CUX1: variants seen among roughly 807,000 people sequenced by gnomAD.
CUX1 encodes protein CASP.
In CUX1, 31 loss-of-function variants were observed where a neutral mutation model predicts 158.8. The observed-to-expected ratio is 0.20, with a 90% CI of 0.15 to 0.26. The LOEUF (loss-of-function observed/expected upper bound fraction) is 0.26, where lower values mean the gene tolerates loss of function less well. CUX1 is among the 10% of genes least tolerant of loss of function. The pLI, the probability that CUX1 is intolerant of heterozygous loss-of-function variation, is 1.00. For missense variants in CUX1, 1,589 were observed against 2,014.6 expected, an observed-to-expected ratio of 0.79 and a Z score of 4.04; for synonymous variants, 879 against 862.1, an observed-to-expected ratio of 1.02 and a Z score of -0.34.
At chr7:102,053,332 A>G (rs1351458617) in intron 3 of CUX1, among the ~76,000 whole-genome samples, 4 of 152,126 alleles carry the variant, frequency 2.6e-5, no homozygotes, top group Non-Finnish European at 5.9e-5. Context: ...GTATATATAT[A>G]TTTATGGGGT....
rs181800963 is a variant in CUX1 at position 102,150,110 on chromosome 7, A to G, written c.675-8450A>G. On this transcript the variant is annotated intron_variant, in intron 8 of 23. Transcript: ENST00000292535. ...CCTTTCAATGCCAAAGAACTTTATGATCTGGTATTGAGACTATTGGTGGGT... is the reference window on the plus strand; with the variant it reads ...CCTTTCAATGCCAAAGAACTTTATGGTCTGGTATTGAGACTATTGGTGGGT... Among the ~76,000 whole-genome samples the G allele has an allele frequency of 4.5e-3, 692 of 152,230 alleles. 2 individuals carry two copies. The highest frequency in any genetic ancestry group is 0.016 in the African/African-American group (672 of 41,532).
intron 1 of CUX1, among the ~76,000 whole-genome samples, chr7:101,861,928 G>A (rs184061075): frequency 9.9e-4 from 150 of 152,046 alleles, no homozygotes; most frequent in Non-Finnish European, 1.4e-3. Context: ...TCCACCTCCC[G>A]GGTTCAAGCG....
At chr7:101,843,141 C>T (rs915040477) in intron 1 of CUX1, among the ~76,000 whole-genome samples, 1 of 152,170 alleles carries the variant, frequency 6.6e-6, no homozygotes, top group African/African-American at 2.4e-5. Context: ...GCTGGGATTA[C>T]AGGCGTGAGC....
chr7:102,277,921 A>G lies in CUX1; in HGVS notation c.1564-28A>G, dbSNP rs782136609. On this transcript the variant is annotated intron_variant, in intron 17 of 22. Transcript: ENST00000292538. ...GTGCCAGCACGGAGGCCTCTCCCCCACCCCTTTCCTTGCCCCTCCCCCCCC... is the reference window on the plus strand; with the variant it reads ...GTGCCAGCACGGAGGCCTCTCCCCCGCCCCTTTCCTTGCCCCTCCCCCCCC... 9.2e-5 allele frequency: 50 copies of G among 542,034 alleles called. No individual in the cohort carries two copies. In the East Asian group the frequency reaches 2.5e-3, roughly 28 times the overall value. 33.6% of individuals were successfully genotyped at this position (542,034 alleles called of 1,614,324 possible).
chr7:102,060,412 G>A (rs185769555), intron 3 of CUX1, among the ~76,000 whole-genome samples: 79 of 151,988 alleles, frequency 5.2e-4, no homozygotes, highest in Admixed American at 2.4e-3. Flanking sequence ...ATTTATTAGC[G>A]AAGGTTAGTG....
chr7:101,996,856 C>T (rs897140753), intron 2 of CUX1, among the ~76,000 whole-genome samples: 3 of 152,194 alleles, frequency 2.0e-5, no homozygotes, highest in Middle Eastern at 3.4e-3. Context: ...TACCCTTCCA[C>T]CCTGCGTCTG....
At chr7:102,077,874 T>C (rs1395505179) in intron 4 of CUX1, among the ~76,000 whole-genome samples, 6 of 143,598 alleles carry the variant, frequency 4.2e-5, no homozygotes, top group African/African-American at 8.3e-5. Flanking sequence ...TTGATACTTT[T>C]CATTTTTTTT....
chr7:102,003,563 T>C (rs149505679), intron 2 of CUX1, among the ~76,000 whole-genome samples: 1 of 152,238 alleles, frequency 6.6e-6, no homozygotes, highest in African/African-American at 2.4e-5. Context: ...TCCTGTACCA[T>C]GTATAGAACT....
chr7:102,272,743 C>T (rs782218587), intron 14 of CUX1, among the ~76,000 whole-genome samples: 4 of 152,190 alleles, frequency 2.6e-5, no homozygotes, highest in African/African-American at 9.7e-5. Flanking sequence ...GACCCTGGCA[C>T]CTGGAGGAGG....
At position 102,254,354 on chromosome 7, in the gene CUX1, G is replaced by T; in HGVS notation, c.*5312G>T. The T allele has an allele frequency of 1.0e-6, 1 of 985,438 alleles. No homozygotes were observed. The highest frequency in any genetic ancestry group is 1.2e-6 in the Non-Finnish European group (1 of 829,982). The allele number at this position is 985,438 out of a possible 1,614,324, so 61.0% of individuals were successfully genotyped here. A position where few individuals can be genotyped will look rare whatever the true frequency, so the allele number is the denominator to read the frequency against. On this transcript the variant is annotated 3_prime_UTR_variant, in exon 24 of 24. Coordinates refer to ENST00000292535, the MANE Select transcript of CUX1 (RefSeq NM_181552.4). ...AGCTCTTGGGTGTCTCTTGTCTCTG[G>T]CATGGTTTTAGCGTCACTGCGAACA...
intron 12 of CUX1, among the ~76,000 whole-genome samples, chr7:102,191,159 T>A (rs1794228911): frequency 6.6e-6 from 1 of 152,174 alleles, no homozygotes; most frequent in Non-Finnish European, 1.5e-5. Context: ...CTGCAAAGCC[T>A]CTGCCGGCAC....
At chr7:101,873,828 G>C (rs13241079) in intron 1 of CUX1, among the ~76,000 whole-genome samples, 1 of 151,814 alleles carries the variant, frequency 6.6e-6, no homozygotes. Flanking sequence ...CAGGTGATCC[G>C]CCTGCCTCAG....
rs1801243485 is a variant in CUX1 at position 102,249,444 on chromosome 7, A to AC, written c.*402_*403insC. On this transcript the variant is annotated 3_prime_UTR_variant, in exon 24 of 24. Transcript: ENST00000292535. ...TCTATGTCGTGTTTTCAAGGAAGAA[A>AC]ACGGAAATGTGTGGTCGAGCTTTTT... The AC allele has an allele frequency of 1.3e-5, 13 of 984,794 alleles. No homozygotes were observed. Among genetic ancestry groups the AC allele is most frequent in the Non-Finnish European group, 1.4e-5 (12 of 828,866 alleles). The allele number at this position is 984,794 out of a possible 1,614,324, so 61.0% of individuals were successfully genotyped here.
intron 4 of CUX1, among the ~76,000 whole-genome samples, chr7:102,088,623 G>A (rs1179680414): frequency 6.6e-6 from 1 of 152,182 alleles, no homozygotes; most frequent in Non-Finnish European, 1.5e-5. Context: ...GACAGAGCAA[G>A]ACTCTATCTC....
At chr7:101,836,679 CT>C in intron 1 of CUX1, among the ~76,000 whole-genome samples, 5 of 107,768 alleles carry the variant, frequency 4.6e-5, no homozygotes, top group Admixed American at 1.9e-4. Context: ...AGCGAGACTC[CT>C]TCTCAAAAAA....
At chr7:102,132,521 C>T (rs1351245805) in intron 8 of CUX1, among the ~76,000 whole-genome samples, 2 of 151,876 alleles carry the variant, frequency 1.3e-5, no homozygotes, top group South Asian at 2.1e-4. Context: ...CCCGACCATA[C>T]CTGCTCCTCC....
chr7:101,969,732 A>G (rs1200219079), intron 2 of CUX1, among the ~76,000 whole-genome samples: 1 of 152,202 alleles, frequency 6.6e-6, no homozygotes, highest in Non-Finnish European at 1.5e-5. Context: ...AAAATACCAA[A>G]TTAGCTTTTT....
intron 11 of CUX1, among the ~76,000 whole-genome samples, chr7:102,183,972 A>G (rs2131840016): frequency 6.6e-6 from 1 of 152,172 alleles, no homozygotes; most frequent in South Asian, 2.1e-4. Flanking sequence ...ATCATAGCTC[A>G]CTGTAGCCTC....
intron 2 of CUX1, among the ~76,000 whole-genome samples, chr7:101,919,943 C>A (rs1196082027): frequency 6.6e-6 from 1 of 152,034 alleles, no homozygotes; most frequent in African/African-American, 2.4e-5. Context: ...AAGGGTTTTT[C>A]TGGGGACAGG....
Sources: gnomAD v4.1 joint callset for allele counts (sites outside exome capture counted in the v4.1 genomes callset) on GRCh38, gnomAD v4.1.1 for gene constraint, MANE v1.5 for transcripts, NCBI Gene and HGNC (gene_info 2026-07-23, HGNC 2026-07-21) for gene names.